The following ZNF385B variants were observed in gnomAD, a reference collection of about 807,000 sequenced individuals.
ZNF385B encodes the protein zinc finger protein 533.
In ZNF385B, 23 loss-of-function variants were observed where a neutral mutation model predicts 39.2. The observed-to-expected ratio is 0.59, with a 90% confidence interval of 0.42 to 0.83. ZNF385B has a LOEUF of 0.83. Among genes scored for constraint, ZNF385B ranks in the 40% least tolerant of loss-of-function variants. The pLI is 0.00. For synonymous variants in ZNF385B, 205 were observed against 222.6 expected (o/e 0.92, Z 0.70); for missense variants, 552 against 598.9 (o/e 0.92, Z 0.82).
intron 3 of ZNF385B, among the ~76,000 whole-genome samples, chr2:179,629,547 A>T (rs905470387): frequency 2.6e-5 from 4 of 152,148 alleles, no homozygotes; most frequent in Admixed American, 2.0e-4. Flanking sequence ...TTAACATGAA[A>T]TTGCAAGATG....
At chr2:179,686,964 G>T (rs199600675) in intron 3 of ZNF385B, among the ~76,000 whole-genome samples, 13 of 142,092 alleles carry the variant, frequency 9.1e-5, no homozygotes, top group Admixed American at 5.0e-4. Context: ...AATTTGTACT[G>T]TTTTTTTTTT....
At chr2:179,631,867 CA>C (rs35389771) in intron 3 of ZNF385B, among the ~76,000 whole-genome samples, 1 of 151,184 alleles carries the variant, frequency 6.6e-6, no homozygotes, top group African/African-American at 2.4e-5. Flanking sequence ...CAAAAACAAA[CA>C]AAAAAAACAA....
intron 3 of ZNF385B, among the ~76,000 whole-genome samples, chr2:179,712,369 T>C (rs1700060347): frequency 6.6e-6 from 1 of 152,196 alleles, no homozygotes; most frequent in Non-Finnish European, 1.5e-5. Flanking sequence ...AGCCTCCTTG[T>C]TCATGCACGA....
At chr2:179,582,347 A>G (rs2106038207) in intron 3 of ZNF385B, among the ~76,000 whole-genome samples, 1 of 152,298 alleles carries the variant, frequency 6.6e-6, no homozygotes, top group Middle Eastern at 3.4e-3. Context: ...CAGCTCCTCC[A>G]GGACTTATAT....
At chr2:179,846,934 A>G (rs1378632053) in intron 1 of ZNF385B, among the ~76,000 whole-genome samples, 1 of 152,256 alleles carries the variant, frequency 6.6e-6, no homozygotes, top group African/African-American at 2.4e-5. Context: ...TCAGTGCTTC[A>G]GTTTTCTCCA....
At chr2:179,653,940 A>G (rs1693462723) in intron 3 of ZNF385B, among the ~76,000 whole-genome samples, 1 of 152,242 alleles carries the variant, frequency 6.6e-6, no homozygotes, top group South Asian at 2.1e-4. Context: ...TTTCCAGAGA[A>G]AGACATAGAG....
At chr2:179,839,820 T>C (rs191996545) in intron 1 of ZNF385B, among the ~76,000 whole-genome samples, 65 of 152,272 alleles carry the variant, frequency 4.3e-4, no homozygotes, top group African/African-American at 1.5e-3. Flanking sequence ...AGAGAAAATA[T>C]GGTGGGAGAG....
At chr2:179,767,198 A>C (rs1486239) in intron 3 of ZNF385B, among the ~76,000 whole-genome samples, 80,372 of 152,116 alleles carry the variant, frequency 0.53, 21,781 homozygotes, top group East Asian at 0.6. Context: ...CCTAAGGGAC[A>C]ATCTGGGGGA....
At chr2:179,745,960 G>A (rs2176060) in intron 3 of ZNF385B, 19,452 of 1,225,180 alleles carry the variant, frequency 0.016, 316 homozygotes, top group Admixed American at 0.11. Flanking sequence ...TTTAGGGAAG[G>A]ACAAGCACAC....
intron 3 of ZNF385B, among the ~76,000 whole-genome samples, chr2:179,571,043 ATAC>A (rs1260184832): frequency 1.3e-5 from 2 of 152,328 alleles, no homozygotes; most frequent in African/African-American, 4.8e-5. Context: ...GGTTTTTTGC[ATAC>A]TACATTTGAT....
intron 6 of ZNF385B, among the ~76,000 whole-genome samples, chr2:179,474,077 AG>A (rs1409348092): frequency 3.9e-5 from 6 of 151,980 alleles, no homozygotes; most frequent in African/African-American, 7.3e-5. Context: ...TCATTAATAT[AG>A]CTTTATATAA....
intron 1 of ZNF385B, among the ~76,000 whole-genome samples, chr2:179,794,583 T>C (rs1420826324): frequency 6.6e-6 from 1 of 151,936 alleles, no homozygotes; most frequent in Non-Finnish European, 1.5e-5. Flanking sequence ...CCTCCTAATA[T>C]TAATAACTGT....
At chr2:179,633,623 T>C (rs1691450361) in intron 3 of ZNF385B, among the ~76,000 whole-genome samples, 2 of 152,202 alleles carry the variant, frequency 1.3e-5, no homozygotes, top group African/African-American at 4.8e-5. Context: ...CCAGGAAGTA[T>C]TCCCTTTGAA....
chr2:179,461,296 T>C (rs773257356), intron 6 of ZNF385B, among the ~76,000 whole-genome samples: 48 of 152,150 alleles, frequency 3.2e-4, no homozygotes, highest in African/African-American at 7.7e-4. Flanking sequence ...GCGTGGAGAA[T>C]AGACTGTGAA....
chr2:179,796,571 T>G (rs190914826), intron 1 of ZNF385B, among the ~76,000 whole-genome samples: 132 of 152,190 alleles, frequency 8.7e-4, no homozygotes, highest in African/African-American at 3.1e-3. Flanking sequence ...CCCCATCTTG[T>G]GGGGAAGGGA....
intron 4 of ZNF385B, among the ~76,000 whole-genome samples, chr2:179,524,824 T>A (rs990938870): frequency 1.3e-5 from 2 of 152,134 alleles, no homozygotes; most frequent in African/African-American, 2.4e-5. Flanking sequence ...CCCCCACCCA[T>A]ACTTTGGGTT....
chr2:179,643,644 G>A (rs1418136176), intron 3 of ZNF385B, among the ~76,000 whole-genome samples: 1 of 152,162 alleles, frequency 6.6e-6, no homozygotes, highest in Non-Finnish European at 1.5e-5. Flanking sequence ...TTCCATATAT[G>A]TAACATTCTG....
intron 3 of ZNF385B, among the ~76,000 whole-genome samples, chr2:179,555,931 C>T (rs1245656139): frequency 6.7e-6 from 1 of 149,348 alleles, no homozygotes; most frequent in African/African-American, 2.5e-5. Flanking sequence ...AAAAATAAAT[C>T]CTTTTGAGCA....
At chr2:179,683,609 G>C (rs969219403) in intron 3 of ZNF385B, among the ~76,000 whole-genome samples, 7 of 151,746 alleles carry the variant, frequency 4.6e-5, no homozygotes, top group Non-Finnish European at 8.8e-5. Flanking sequence ...CCGAGTAGCT[G>C]GGATTACAGG....
Sources: allele counts gnomAD v4.1 joint callset (sites outside exome capture counted in the v4.1 genomes callset), GRCh38; gene constraint gnomAD v4.1.1; transcripts MANE v1.5; gene names NCBI Gene and HGNC (gene_info 2026-07-23, HGNC 2026-07-21).